Variants in SYTL3 observed in about 807,000 individuals in gnomAD.
The protein encoded by SYTL3 is synaptotagmin like 3, also known as synaptotagmin-like protein 3.
Under a neutral mutation model 82.1 loss-of-function variants are expected in SYTL3, and 88 were observed. The observed-to-expected ratio is 1.07, with a 90% CI of 0.90 to 1.28. The LOEUF (loss-of-function observed/expected upper bound fraction) is 1.28. SYTL3 is among the 50% of genes most tolerant of loss of function. The pLI, the probability that SYTL3 is intolerant of heterozygous loss-of-function variation, is 0.00. For missense variants in SYTL3, 831 were observed against 757.6 expected, an observed-to-expected ratio of 1.10 and a Z score of -1.14; for synonymous variants, 311 against 289.4, an observed-to-expected ratio of 1.07 and a Z score of -0.76.
intron 17 of SYTL3, 88 bp downstream of exon 17, chr6:158,763,597 T>A: frequency 8.4e-7 from 1 of 1,185,254 alleles, no homozygotes; most frequent in Non-Finnish European, 1.2e-6. Flanking sequence ...ACCAGGGCAG[T>A]GACTTAACTG....
chr6:158,699,565 CTA>C (rs753042516), intron 6 of SYTL3, among the ~76,000 whole-genome samples: 11 of 152,298 alleles, frequency 7.2e-5, no homozygotes, highest in Non-Finnish European at 1.5e-4. Flanking sequence ...CTGCCTCAAT[CTA>C]TAGTTTGTGT....
chr6:158,648,508 G>C (rs557674701), upstream of SYTL3, among the ~76,000 whole-genome samples: 227 of 150,852 alleles, frequency 1.5e-3, 3 homozygotes, highest in Non-Finnish European at 2.6e-3. Context: ...GGAGAATAGC[G>C]TGAACCCGGG....
At chr6:158,737,473 A>G (rs1047428928) in intron 11 of SYTL3, among the ~76,000 whole-genome samples, 2 of 152,238 alleles carry the variant, frequency 1.3e-5, no homozygotes, top group Non-Finnish European at 2.9e-5. Flanking sequence ...TTGCAGTTAC[A>G]GGAGATACAT....
chr6:158,755,697 G>A (rs1325578131), intron 13 of SYTL3, among the ~76,000 whole-genome samples: 1 of 152,232 alleles, frequency 6.6e-6, no homozygotes, highest in Non-Finnish European at 1.5e-5. Context: ...GTAAAGGTGG[G>A]CATGAGGAGA....
At chr6:158,670,105 A>G (rs1162280798) in intron 5 of SYTL3, among the ~76,000 whole-genome samples, 1 of 152,224 alleles carries the variant, frequency 6.6e-6, no homozygotes, top group Admixed American at 6.5e-5. Flanking sequence ...GTTCTATTCT[A>G]ATTATGTTTC....
rs55885095 is a variant in SYTL3 at position 158,757,000 on chromosome 6, A to ACCCCC, written c.1138-208_1138-204dup. ...GGAGGGGTTCTTGAGCAGAGAGAGG[A>ACCCCC]CCCCCCCGCCCCACCCTGGCTGTAA... On this transcript the variant is annotated intron_variant, in intron 13 of 17. Coordinates refer to ENST00000611299, the MANE Select transcript of SYTL3 (RefSeq NM_001242394.2). Among the ~76,000 whole-genome samples, 5 of 142,010 alleles carry ACCCCC rather than the reference A, an allele frequency of 3.5e-5. No individual in the cohort carries two copies. In the South Asian group the frequency reaches 6.9e-4, roughly 20 times the overall value. The allele number at this position is 142,010 out of a possible 152,430, so 93.2% of individuals were successfully genotyped here.
At chr6:158,650,510 A>G (rs1158447448) in intron 1 of SYTL3, among the ~76,000 whole-genome samples, 1 of 152,222 alleles carries the variant, frequency 6.6e-6, no homozygotes, top group Admixed American at 6.5e-5. Context: ...GGTGGAACAT[A>G]AATATCATTT....
In SYTL3 at chr6:158,725,434, T is replaced by G. The variant is rs1261950945; in HGVS notation, c.721-69T>G. 4.5e-6 allele frequency: 7 copies of G among 1,558,148 alleles called. No homozygotes were observed. The Admixed American group carries it at 1.3e-4, about 28-fold the overall frequency. On this transcript the variant is annotated intron_variant, in intron 10 of 17. Transcript: ENST00000611299. ...ATCAAGTCATAGATGCTTGCTGAAG[T>G]CACCACATTTGAACAAAACCAAACT...
At chr6:158,699,025 C>T (rs928606239) in intron 6 of SYTL3, among the ~76,000 whole-genome samples, 2 of 152,196 alleles carry the variant, frequency 1.3e-5, no homozygotes, top group Non-Finnish European at 1.5e-5. Context: ...GCACCCACAG[C>T]GTGACCCATG....
chr6:158,712,854 G>T (rs545817638), intron 8 of SYTL3, among the ~76,000 whole-genome samples: 4 of 151,258 alleles, frequency 2.6e-5, no homozygotes, highest in Non-Finnish European at 5.9e-5. Context: ...CGCCTCCCGG[G>T]TTCACACCAT....
chr6:158,760,422 T>C (rs1789751170), intron 14 of SYTL3, among the ~76,000 whole-genome samples: 1 of 151,948 alleles, frequency 6.6e-6, no homozygotes, highest in South Asian at 2.1e-4. Flanking sequence ...TTCGCTGGGG[T>C]GGCCAAGCTG....
intron 9 of SYTL3, among the ~76,000 whole-genome samples, chr6:158,716,949 T>A (rs1227864787): frequency 6.6e-6 from 1 of 152,250 alleles, no homozygotes. Context: ...TGACATTTTT[T>A]AATATTTTGG....
intron 5 of SYTL3, among the ~76,000 whole-genome samples, chr6:158,679,198 T>C (rs1173519824): frequency 6.6e-6 from 1 of 152,052 alleles, no homozygotes; most frequent in Non-Finnish European, 1.5e-5. Flanking sequence ...AGTGAAACCC[T>C]GTCTCTACAA....
intron 2 of SYTL3, among the ~76,000 whole-genome samples, chr6:158,652,629 C>A (rs1331647220): frequency 6.6e-6 from 1 of 152,156 alleles, no homozygotes; most frequent in Non-Finnish European, 1.5e-5. Flanking sequence ...ACTGCAACCT[C>A]CACCTCCCAG....
intron 11 of SYTL3, among the ~76,000 whole-genome samples, chr6:158,742,963 C>T (rs751500009): frequency 6.6e-6 from 1 of 152,166 alleles, no homozygotes; most frequent in Non-Finnish European, 1.5e-5. Context: ...GAAAAGGCAG[C>T]ATCTCGGTAC....
chr6:158,741,227 G>A (rs961555235), intron 11 of SYTL3, among the ~76,000 whole-genome samples: 9 of 152,054 alleles, frequency 5.9e-5, no homozygotes, highest in Non-Finnish European at 8.8e-5. Context: ...GCACCACCGC[G>A]CTCAGCTAAT....
At chr6:158,648,152 G>C (rs900032861), upstream of SYTL3, among the ~76,000 whole-genome samples, 10 of 152,138 alleles carry the variant, frequency 6.6e-5, no homozygotes, top group Non-Finnish European at 5.9e-5. Flanking sequence ...AATTAGCCAG[G>C]CATGGTGGTG....
intron 11 of SYTL3, chr6:158,726,234 T>C (rs753930202): frequency 4.6e-6 from 2 of 436,754 alleles, no homozygotes; most frequent in Non-Finnish European, 9.0e-6. Flanking sequence ...CAAAGAGGCC[T>C]GTCCAAAGAC....
At chr6:158,711,723 A>T (rs1479526567) in intron 8 of SYTL3, among the ~76,000 whole-genome samples, 1 of 152,168 alleles carries the variant, frequency 6.6e-6, no homozygotes, top group Non-Finnish European at 1.5e-5. Context: ...TTTCTCAATG[A>T]TATGCTCAAC....
Sources: allele counts gnomAD v4.1 joint callset (sites outside exome capture counted in the v4.1 genomes callset), GRCh38; gene constraint gnomAD v4.1.1; transcripts MANE v1.5; gene names NCBI Gene and HGNC (gene_info 2026-07-23, HGNC 2026-07-21).